The following ASIC2 variants were observed in gnomAD, a reference collection of about 807,000 sequenced individuals.
ASIC2 encodes acid sensing ion channel subunit 2.
In ASIC2, 25 loss-of-function variants were observed where a neutral mutation model predicts 57.3. The observed-to-expected ratio is 0.44, with a 90% confidence interval of 0.32 to 0.61. ASIC2 has a LOEUF of 0.61. Among genes scored for constraint, ASIC2 ranks in the 20% least tolerant of loss-of-function variants. The pLI is 0.06. For missense variants in ASIC2, 641 were observed against 738.1 expected, an observed-to-expected ratio of 0.87 and a Z score of 1.52; for synonymous variants, 319 against 307.5, an observed-to-expected ratio of 1.04 and a Z score of -0.39.
intron 3 of ASIC2, among the ~76,000 whole-genome samples, chr17:33,054,021 C>T (rs1175432083): frequency 6.6e-6 from 1 of 152,166 alleles, no homozygotes; most frequent in Non-Finnish European, 1.5e-5. Flanking sequence ...CCGCACCTAC[C>T]TTTGCTCTCC....
intron 1 of ASIC2, among the ~76,000 whole-genome samples, chr17:34,011,412 A>G (rs1402752399): frequency 6.6e-6 from 1 of 152,124 alleles, no homozygotes; most frequent in African/African-American, 2.4e-5. Context: ...CCAGCAACAT[A>G]TCCAGTTCAC....
intron 7 of ASIC2, 65 bp from the exon 8 acceptor site, chr17:33,017,749 T>C: frequency 1.4e-6 from 2 of 1,478,918 alleles, no homozygotes; most frequent in South Asian, 1.2e-5. Context: ...GTGAACAGAC[T>C]GAGATGCAAC....
At chr17:33,431,169 G>A (rs1353834586) in intron 1 of ASIC2, among the ~76,000 whole-genome samples, 1 of 152,198 alleles carries the variant, frequency 6.6e-6, no homozygotes, top group Non-Finnish European at 1.5e-5. Context: ...TCGTGGGTCT[G>A]TGGCAACGTC....
At chr17:33,920,426 G>A (rs1052354236) in intron 1 of ASIC2, among the ~76,000 whole-genome samples, 2 of 152,096 alleles carry the variant, frequency 1.3e-5, no homozygotes, top group African/African-American at 4.8e-5. Context: ...TGCAGGTGGA[G>A]GCCATTATCC....
In ASIC2 at chr17:33,049,150, C is replaced by A. The variant is rs572640584; in HGVS notation, c.988-20758G>T. 4.6e-5 allele frequency among the ~76,000 whole-genome samples: 7 copies of A among 152,284 alleles called. No individual in the cohort carries two copies. The South Asian group carries it at 1.5e-3, about 32-fold the overall frequency. On this transcript the variant is annotated intron_variant, in intron 3 of 9. Coordinates refer to ENST00000225823, the MANE Select transcript of ASIC2 (RefSeq NM_183377.2). ...CCCTTTGTCTGTAGAAGGGAGACAG[C>A]AGTACGGCCCCACAGATTTGCTGTT... is the stretch of plus-strand genomic sequence containing the variant.
chr17:33,955,402 A>G (rs1002949879), intron 1 of ASIC2: 4 of 152,216 alleles, frequency 2.6e-5, no homozygotes, highest in African/African-American at 9.7e-5. Flanking sequence ...AGGGGGCACT[A>G]GAGGAAGGTT....
chr17:33,989,009 T>G (rs1008422249), intron 1 of ASIC2, among the ~76,000 whole-genome samples: 2 of 152,128 alleles, frequency 1.3e-5, no homozygotes, highest in South Asian at 4.1e-4. Flanking sequence ...ACTTCCTTAT[T>G]TATTTTTCCT....
intron 1 of ASIC2, among the ~76,000 whole-genome samples, chr17:34,053,625 G>GT (rs1908650717): frequency 6.6e-6 from 1 of 152,136 alleles, no homozygotes; most frequent in South Asian, 2.1e-4. Flanking sequence ...TGTGTGACAG[G>GT]TAAGATTTAA....
intron 2 of ASIC2, among the ~76,000 whole-genome samples, chr17:33,094,222 A>C (rs2092168848): frequency 6.6e-6 from 1 of 152,040 alleles, no homozygotes; most frequent in Admixed American, 6.5e-5. Flanking sequence ...AACTGGAGGG[A>C]GAGAGGAGAG....
At chr17:33,865,418 G>A (rs1817768693) in intron 1 of ASIC2, among the ~76,000 whole-genome samples, 1 of 152,108 alleles carries the variant, frequency 6.6e-6, no homozygotes, top group Non-Finnish European at 1.5e-5. Context: ...GTACAGACAT[G>A]CATAAGGCAG....
intron 1 of ASIC2, among the ~76,000 whole-genome samples, chr17:33,331,966 T>C (rs1191474466): frequency 6.6e-6 from 1 of 152,232 alleles, no homozygotes; most frequent in African/African-American, 2.4e-5. Flanking sequence ...TACCCTTCCC[T>C]GGACCAACTG....
At chr17:33,481,210 C>T (rs1219320156) in intron 1 of ASIC2, among the ~76,000 whole-genome samples, 1 of 152,198 alleles carries the variant, frequency 6.6e-6, no homozygotes, top group Non-Finnish European at 1.5e-5. Flanking sequence ...TCCAATGCCT[C>T]CTAAGCCTGA....
chr17:33,585,456 G>A (rs1215255706), intron 1 of ASIC2, among the ~76,000 whole-genome samples: 2 of 152,192 alleles, frequency 1.3e-5, no homozygotes, highest in East Asian at 3.8e-4. Context: ...ACCAAACCCA[G>A]AACAAATCAA....
intron 1 of ASIC2, among the ~76,000 whole-genome samples, chr17:33,313,648 C>T (rs949417386): frequency 7.2e-5 from 11 of 152,146 alleles, no homozygotes; most frequent in African/African-American, 2.2e-4. Context: ...AATAACTGAA[C>T]GATGGGCCCC....
intron 3 of ASIC2, among the ~76,000 whole-genome samples, chr17:33,075,474 C>T (rs1354255501): frequency 6.6e-6 from 1 of 152,178 alleles, no homozygotes; most frequent in Non-Finnish European, 1.5e-5. Flanking sequence ...CCCTGCTCTG[C>T]CATCAGTAAG....
chr17:34,074,991 G>A (rs370325992), intron 1 of ASIC2, among the ~76,000 whole-genome samples: 1 of 151,980 alleles, frequency 6.6e-6, no homozygotes, highest in African/African-American at 2.4e-5. Context: ...CACCATGTTG[G>A]CCAAGCTGGT....
intron 3 of ASIC2, among the ~76,000 whole-genome samples, chr17:33,053,456 C>T (rs191602965): frequency 5.4e-4 from 82 of 152,264 alleles, no homozygotes; most frequent in African/African-American, 1.9e-3. Context: ...TTCCTTCTCC[C>T]TTAGCCTCCA....
chr17:33,666,690 A>G (rs1310630526), intron 1 of ASIC2, among the ~76,000 whole-genome samples: 2 of 152,140 alleles, frequency 1.3e-5, no homozygotes, highest in African/African-American at 4.8e-5. Flanking sequence ...CCCCCTGCCC[A>G]GGACTGGACC....
chr17:33,346,776 G>A lies in ASIC2; in HGVS notation c.556-234709C>T, dbSNP rs146456949. 2.2e-3 allele frequency among the ~76,000 whole-genome samples: 340 copies of A among 152,264 alleles called. 2 individuals carry two copies. The highest frequency in any genetic ancestry group is 7.8e-3 in the African/African-American group (325 of 41,536). On this transcript the variant is annotated intron_variant, in intron 1 of 9. Coordinates refer to the ASIC2 transcript ENST00000359872. The stretch of plus-strand genomic sequence containing the variant: ...AGGAAAGAGAAGAACCCCAGACTGA[G>A]CCCTGAGGTGCTTCAATATTTGGAG...
Sources: gnomAD v4.1 joint callset for allele counts (sites outside exome capture counted in the v4.1 genomes callset) on GRCh38, gnomAD v4.1.1 for gene constraint, MANE v1.5 for transcripts, NCBI Gene and HGNC (gene_info 2026-07-23, HGNC 2026-07-21) for gene names.